PPARGC1B: variants seen among roughly 807,000 people sequenced by gnomAD.
The protein encoded by PPARGC1B is PPARG coactivator 1 beta.
A neutral mutation model predicts 101.6 loss-of-function variants in PPARGC1B; 34 were observed. The ratio of observed to expected loss-of-function variants is 0.33; its 90% confidence interval spans 0.25 to 0.45. The LOEUF is 0.45. PPARGC1B is among the 20% of genes least tolerant of loss of function. The pLI, the probability that PPARGC1B is intolerant of heterozygous loss-of-function variation, is 1.00. For synonymous variants in PPARGC1B, 548 were observed against 539.3 expected, an observed-to-expected ratio of 1.02 and a Z score of -0.22; for missense variants, 1,234 against 1,317.6, an observed-to-expected ratio of 0.94 and a Z score of 0.98.
chr5:149,741,311 T>C (rs1754895413), intron 1 of PPARGC1B, among the ~76,000 whole-genome samples: 1 of 152,242 alleles, frequency 6.6e-6, no homozygotes, highest in Admixed American at 6.5e-5. Context: ...CTTGGCAACG[T>C]GGCTGCTCGC....
intron 3 of PPARGC1B, among the ~76,000 whole-genome samples, chr5:149,830,041 AAAAAAAAAAAAAAG>A (rs1203427897): frequency 2.4e-5 from 3 of 126,088 alleles, no homozygotes; most frequent in African/African-American, 9.6e-5. Flanking sequence ...AAAAAAAAAA[AAAAAAAAAAAAAAG>A]AAAAAAAAAA....
intron 1 of PPARGC1B, among the ~76,000 whole-genome samples, chr5:149,818,141 G>A (rs1331582735): frequency 1.3e-5 from 2 of 152,174 alleles, no homozygotes; most frequent in African/African-American, 2.4e-5. Flanking sequence ...TGGGGAGAGC[G>A]GTACCTGGGG....
intron 2 of PPARGC1B, among the ~76,000 whole-genome samples, chr5:149,824,529 T>C (rs982502934): frequency 6.6e-6 from 1 of 152,164 alleles, no homozygotes; most frequent in Admixed American, 6.5e-5. Context: ...TGTCTTCCCA[T>C]TTCACAGGGA....
At chr5:149,780,512 C>G (rs921571022) in intron 1 of PPARGC1B, among the ~76,000 whole-genome samples, 3 of 152,196 alleles carry the variant, frequency 2.0e-5, no homozygotes, top group Non-Finnish European at 4.4e-5. Flanking sequence ...CTAAAGGTCT[C>G]TAAGGCCCTT....
At chr5:149,796,168 T>C (rs1451260716) in intron 1 of PPARGC1B, among the ~76,000 whole-genome samples, 1 of 151,524 alleles carries the variant, frequency 6.6e-6, no homozygotes, top group Non-Finnish European at 1.5e-5. Context: ...CGATGGAGAG[T>C]GTGACGGAGT....
chr5:149,857,494 T>C (rs543175464), downstream of PPARGC1B, among the ~76,000 whole-genome samples: 1 of 152,238 alleles, frequency 6.6e-6, no homozygotes, highest in Non-Finnish European at 1.5e-5. Context: ...TACTCTGCCA[T>C]GTAACCACCA....
Position 149,842,277 on chromosome 5 carries a change from A to G in PPARGC1B, c.2716A>G (p.Ile906Val). 1.2e-6 allele frequency: 2 copies of G among 1,613,956 alleles called. No individual in the cohort carries two copies. Among genetic ancestry groups the G allele is most frequent in the Non-Finnish European group, 1.7e-6 (2 of 1,180,010 alleles). Residue 906 changes from isoleucine to valine, a missense_variant, in exon 10 of 12, where the codon ATT becomes GTT. Around this residue, in one of 3 missense-constraint regions of PPARGC1B, gnomAD observed 497 missense variants for 529.5 expected, o/e 0.94. Coordinates refer to ENST00000309241, the MANE Select transcript of PPARGC1B (RefSeq NM_133263.4). ...GCAGGGGGAAGGCCGCGTGGTGTAC[A>G]TTCAAAATCTCTCCAGCGACATGAG... ...KAIGEGRVVY[I>V]QNLSSDMSSR... is the part of the protein sequence containing the mutation.
chr5:149,843,984 G>A (rs886913989), intron 10 of PPARGC1B, among the ~76,000 whole-genome samples: 14 of 152,186 alleles, frequency 9.2e-5, no homozygotes, highest in African/African-American at 3.4e-4. Context: ...GCCAGGGGCT[G>A]CAGAGAGGAG....
At chr5:149,799,693 GTT>G (rs11371560) in intron 1 of PPARGC1B, among the ~76,000 whole-genome samples, 34 of 76,462 alleles carry the variant, frequency 4.4e-4, no homozygotes, top group African/African-American at 1.5e-3. Flanking sequence ...GCTTGTTGTT[GTT>G]TTTTTTTTTT....
At position 149,847,661 on chromosome 5, in the gene PPARGC1B, C is replaced by A; in HGVS notation, c.*103C>A. 1.2e-6 allele frequency: 1 copy of A among 809,520 alleles called. No homozygotes were observed. The allele number at this position is 809,520 out of a possible 1,614,324, so 50.1% of individuals were successfully genotyped here. On this transcript the variant is annotated 3_prime_UTR_variant, in exon 12 of 12. Transcript: ENST00000309241. The stretch of plus-strand genomic sequence containing the variant: ...CAAGTATATGAGGAGAGCGAGCGAG[C>A]GTGAGAGAACACCCGTGAGAGAGAC...
intron 1 of PPARGC1B, among the ~76,000 whole-genome samples, chr5:149,775,963 TA>T (rs1250648200): frequency 6.6e-6 from 1 of 151,570 alleles, no homozygotes; most frequent in Non-Finnish European, 1.5e-5. Context: ...TCTTATGACA[TA>T]ACCAAGCTGT....
At chr5:149,813,861 G>A (rs998630357) in intron 1 of PPARGC1B, among the ~76,000 whole-genome samples, 8 of 152,174 alleles carry the variant, frequency 5.3e-5, no homozygotes, top group Non-Finnish European at 7.3e-5. Flanking sequence ...TTCCTGGTTC[G>A]TAGATTGCAG....
intron 1 of PPARGC1B, among the ~76,000 whole-genome samples, chr5:149,777,169 T>C (rs972617436): frequency 1.3e-5 from 2 of 152,224 alleles, no homozygotes; most frequent in African/African-American, 4.8e-5. Context: ...TGTGGCTTTT[T>C]TCATCTACGA....
intron 1 of PPARGC1B, among the ~76,000 whole-genome samples, chr5:149,809,687 TAAA>T (rs35168335): frequency 0.027 from 2,929 of 109,148 alleles, 79 homozygotes; most frequent in African/African-American, 0.052. Flanking sequence ...GATCCTTTCT[TAAA>T]AAAAAAAAAA....
chr5:149,788,822 A>G (rs1756902935), intron 1 of PPARGC1B, among the ~76,000 whole-genome samples: 1 of 152,204 alleles, frequency 6.6e-6, no homozygotes. Flanking sequence ...AAACTATCGC[A>G]AGGACAGAAA....
chr5:149,820,719 C>T (rs1561585689), intron 2 of PPARGC1B, 113 bp downstream of exon 2: 8 of 1,104,046 alleles, frequency 7.2e-6, no homozygotes, highest in Non-Finnish European at 1.0e-5. Flanking sequence ...GAGAAATCCC[C>T]TCACCCACCA....
At chr5:149,810,014 C>A (rs547266799) in intron 1 of PPARGC1B, among the ~76,000 whole-genome samples, 1 of 152,278 alleles carries the variant, frequency 6.6e-6, no homozygotes, top group Non-Finnish European at 1.5e-5. Flanking sequence ...ACTCAAGCCA[C>A]ACAACTGTTC....
chr5:149,791,642 G>A (rs1004027529), intron 1 of PPARGC1B, among the ~76,000 whole-genome samples: 19 of 151,964 alleles, frequency 1.3e-4, no homozygotes, highest in African/African-American at 4.6e-4. Context: ...AGAATGGGTA[G>A]TACAGAATAT....
intron 1 of PPARGC1B, among the ~76,000 whole-genome samples, chr5:149,787,844 T>C (rs548438674): frequency 6.6e-6 from 1 of 152,310 alleles, no homozygotes; most frequent in Non-Finnish European, 1.5e-5. Context: ...AGGGTTAGGT[T>C]TGGTCACCTA....
Sources: allele counts gnomAD v4.1 joint callset (sites outside exome capture counted in the v4.1 genomes callset), GRCh38; gene constraint gnomAD v4.1.1; regional missense constraint gnomAD v4.1.1; transcripts MANE v1.5; gene names NCBI Gene and HGNC (gene_info 2026-07-23, HGNC 2026-07-21).